Variants in CDH12 observed in about 807,000 individuals in gnomAD.
CDH12 encodes cadherin 12.
A neutral mutation model predicts 74.1 loss-of-function variants in CDH12; 41 were observed. The ratio of observed to expected loss-of-function variants is 0.55; its 90% CI spans 0.43 to 0.72. The LOEUF is 0.72. Among genes scored for constraint, CDH12 ranks in the 30% least tolerant of loss-of-function variants. The probability of loss-of-function intolerance (pLI) is 0.00; values close to 1 mark genes in which losing one functional copy is unlikely to be tolerated. For missense variants in CDH12, 945 were observed against 977.2 expected (o/e 0.97, Z 0.44); for synonymous variants, 399 against 355.0 (o/e 1.12, Z -1.39).
At chr5:22,549,725 A>C (rs1182483768) in intron 1 of CDH12, among the ~76,000 whole-genome samples, 1 of 152,244 alleles carries the variant, frequency 6.6e-6, no homozygotes, top group African/African-American at 2.4e-5. Flanking sequence ...TAATCTAAAA[A>C]CCAAGGATCC....
chr5:21,867,315 A>G (rs1481643707), intron 6 of CDH12, among the ~76,000 whole-genome samples: 1 of 152,220 alleles, frequency 6.6e-6, no homozygotes, highest in Non-Finnish European at 1.5e-5. Flanking sequence ...AGGTCACGCC[A>G]TTACACTCCA....
chr5:21,903,568 C>T (rs1040924883), intron 6 of CDH12, among the ~76,000 whole-genome samples: 2 of 152,036 alleles, frequency 1.3e-5, no homozygotes, highest in East Asian at 1.9e-4. Context: ...CAGGTCTCAT[C>T]TTAATTCTGA....
intron 2 of CDH12, among the ~76,000 whole-genome samples, chr5:22,449,444 G>A (rs1744956343): frequency 6.6e-6 from 1 of 152,104 alleles, no homozygotes; most frequent in South Asian, 2.1e-4. Flanking sequence ...AGCTGAAAGA[G>A]TGGGAGTGCC....
chr5:22,147,306 C>T (rs925907771), intron 4 of CDH12, among the ~76,000 whole-genome samples: 3 of 152,104 alleles, frequency 2.0e-5, no homozygotes, highest in Admixed American at 6.6e-5. Context: ...GTTTATAATG[C>T]ATTCTTGTTC....
intron 4 of CDH12, among the ~76,000 whole-genome samples, chr5:22,084,584 A>G (rs1742943770): frequency 6.6e-6 from 1 of 152,178 alleles, no homozygotes; most frequent in Admixed American, 6.5e-5. Flanking sequence ...AACGTGTGTG[A>G]GTGCATTTCC....
chr5:22,267,210 T>C (rs1023819027), intron 3 of CDH12, among the ~76,000 whole-genome samples: 4 of 152,126 alleles, frequency 2.6e-5, no homozygotes, highest in African/African-American at 7.2e-5. Flanking sequence ...GGATAAGCAA[T>C]AGAAGGGAAA....
chr5:22,343,429 G>A (rs547139788), intron 3 of CDH12, among the ~76,000 whole-genome samples: 4 of 151,618 alleles, frequency 2.6e-5, no homozygotes, highest in Non-Finnish European at 4.4e-5. Flanking sequence ...GTTGTTGTTT[G>A]TTTTTTGAGA....
intron 4 of CDH12, among the ~76,000 whole-genome samples, chr5:22,176,804 A>C (rs2150333842): frequency 6.6e-6 from 1 of 152,214 alleles, no homozygotes; most frequent in African/African-American, 2.4e-5. Context: ...GAGCCCTCAT[A>C]GAGTTGGGGC....
intron 2 of CDH12, among the ~76,000 whole-genome samples, chr5:22,410,586 T>A (rs997128264): frequency 2.0e-5 from 3 of 152,100 alleles, no homozygotes; most frequent in African/African-American, 7.2e-5. Context: ...TTCCCCTGTA[T>A]ATTTGGGTCT....
At chr5:21,800,219 TGGCTTAGATGATATTTA>T in intron 10 of CDH12, among the ~76,000 whole-genome samples, 1 of 152,158 alleles carries the variant, frequency 6.6e-6, no homozygotes, top group Admixed American at 6.5e-5. Flanking sequence ...CACATTTGTT[TGGCTTAGATGATATTTA>T]GATGACACTT....
At chr5:22,132,982 T>G (rs1746260148) in intron 4 of CDH12, among the ~76,000 whole-genome samples, 1 of 152,142 alleles carries the variant, frequency 6.6e-6, no homozygotes, top group African/African-American at 2.4e-5. Flanking sequence ...TAAATATTAT[T>G]TCCCGAAAAT....
chr5:22,439,321 A>G (rs555670374), intron 2 of CDH12, among the ~76,000 whole-genome samples: 1 of 152,100 alleles, frequency 6.6e-6, no homozygotes, highest in Admixed American at 6.6e-5. Flanking sequence ...AAAAAATAAC[A>G]TTAAAATGTA....
rs549118123 is a variant in CDH12 at position 21,955,630 on chromosome 5, G to A, written c.526+19461C>T. Reference sequence around the variant, plus strand: ...TAATATTTATTTTGACAGTTTCAGGGTGAATGAGAAAGAAACCAAAACCCA... The same window carrying A: ...TAATATTTATTTTGACAGTTTCAGGATGAATGAGAAAGAAACCAAAACCCA... On this transcript the variant is annotated intron_variant, in intron 6 of 14. Coordinates refer to ENST00000382254, the MANE Select transcript of CDH12 (RefSeq NM_004061.5). 1.6e-3 allele frequency among the ~76,000 whole-genome samples: 248 copies of A among 152,076 alleles called. 2 individuals are homozygous for A. The highest frequency in any genetic ancestry group is 0.01 in the Admixed American group (155 of 15,246).
intron 6 of CDH12, among the ~76,000 whole-genome samples, chr5:21,960,713 A>G (rs1223848606): frequency 6.6e-6 from 1 of 150,770 alleles, no homozygotes; most frequent in Non-Finnish European, 1.5e-5. Context: ...ACACACATAC[A>G]CACACGCACA....
At chr5:22,673,625 C>CT (rs1317073069) in intron 1 of CDH12, among the ~76,000 whole-genome samples, 1 of 152,128 alleles carries the variant, frequency 6.6e-6, no homozygotes, top group Non-Finnish European at 1.5e-5. Context: ...CCTAAGCTCA[C>CT]TAGTTCTCCT....
intron 4 of CDH12, among the ~76,000 whole-genome samples, chr5:22,183,658 C>T (rs1379261549): frequency 2.0e-5 from 3 of 152,082 alleles, no homozygotes; most frequent in African/African-American, 7.2e-5. Flanking sequence ...TCTCCCTGAC[C>T]TTGCCATAAG....
intron 6 of CDH12, among the ~76,000 whole-genome samples, chr5:21,926,886 A>G (rs972606579): frequency 1.3e-5 from 2 of 152,154 alleles, no homozygotes; most frequent in African/African-American, 2.4e-5. Flanking sequence ...ATGAAGTAGG[A>G]TATTAGTTGA....
chr5:21,908,630 C>T (rs1451137588), intron 6 of CDH12, among the ~76,000 whole-genome samples: 1 of 152,140 alleles, frequency 6.6e-6, no homozygotes, highest in Admixed American at 6.5e-5. Flanking sequence ...TTGACCAAAG[C>T]AAGTCACATC....
At chr5:21,847,410 A>G (rs1365539542) in intron 7 of CDH12, among the ~76,000 whole-genome samples, 1 of 152,104 alleles carries the variant, frequency 6.6e-6, no homozygotes, top group Non-Finnish European at 1.5e-5. Flanking sequence ...TAAACTTACT[A>G]TCTTACAATT....
Sources: gnomAD v4.1 joint callset for allele counts (sites outside exome capture counted in the v4.1 genomes callset) on GRCh38, gnomAD v4.1.1 for gene constraint, MANE v1.5 for transcripts, NCBI Gene and HGNC (gene_info 2026-07-23, HGNC 2026-07-21) for gene names.